MAP3K5: variants seen among roughly 807,000 people sequenced by gnomAD.
MAP3K5 encodes ASK-1.
MAP3K5 carries 56 observed loss-of-function variants against 158.7 expected under a neutral mutation model. The observed-to-expected ratio is 0.35, with a 90% confidence interval of 0.28 to 0.44. The LOEUF (loss-of-function observed/expected upper bound fraction) is 0.44. Ranked by LOEUF, MAP3K5 falls within the 20% of genes least tolerant of loss-of-function variation. MAP3K5 has a pLI of 1.00. For synonymous variants in MAP3K5, 579 were observed against 601.7 expected (o/e 0.96, Z 0.55); for missense variants, 1,294 against 1,674.8 (o/e 0.77, Z 3.97).
At chr6:136,730,845 C>T (rs1782194827) in intron 1 of MAP3K5, among the ~76,000 whole-genome samples, 3 of 152,080 alleles carry the variant, frequency 2.0e-5, no homozygotes, top group African/African-American at 7.2e-5. Flanking sequence ...GAATTCCCCT[C>T]CTCATTATAT....
chr6:136,716,237 T>C (rs1781523501), intron 2 of MAP3K5, among the ~76,000 whole-genome samples: 1 of 151,992 alleles, frequency 6.6e-6, no homozygotes, highest in African/African-American at 2.4e-5. Flanking sequence ...TCATTTGATA[T>C]TATTAAATAT....
At chr6:136,662,612 A>C (rs1012063853) in intron 8 of MAP3K5, among the ~76,000 whole-genome samples, 1 of 151,856 alleles carries the variant, frequency 6.6e-6, no homozygotes, top group African/African-American at 2.4e-5. Flanking sequence ...AGAATATAGA[A>C]ATAAACATCT....
At chr6:136,760,776 G>T (rs989567311) in intron 1 of MAP3K5, among the ~76,000 whole-genome samples, 7 of 152,124 alleles carry the variant, frequency 4.6e-5, no homozygotes, top group African/African-American at 1.7e-4. Flanking sequence ...TCCAGACCAG[G>T]CTGGTCAATG....
intron 1 of MAP3K5, among the ~76,000 whole-genome samples, chr6:136,736,338 G>C (rs2114852194): frequency 6.6e-6 from 1 of 152,230 alleles, no homozygotes; most frequent in East Asian, 1.9e-4. Flanking sequence ...ATTTCATCTA[G>C]TCAAAATGTG....
intron 2 of MAP3K5, among the ~76,000 whole-genome samples, chr6:136,711,004 G>T (rs1296982837): frequency 6.6e-6 from 1 of 152,112 alleles, no homozygotes; most frequent in Non-Finnish European, 1.5e-5. Flanking sequence ...CTGAGAAGGA[G>T]AAACACCCCC....
At chr6:136,786,078 TA>T (rs1395193705) in intron 1 of MAP3K5, among the ~76,000 whole-genome samples, 1 of 152,020 alleles carries the variant, frequency 6.6e-6, no homozygotes, top group Non-Finnish European at 1.5e-5. Context: ...TGATGTCTTT[TA>T]AAAAAAATTT....
chr6:136,666,433 A>G (rs956033303), intron 8 of MAP3K5, among the ~76,000 whole-genome samples: 1 of 152,244 alleles, frequency 6.6e-6, no homozygotes, highest in African/African-American at 2.4e-5. Flanking sequence ...TCTGGTTATT[A>G]TAAGAACTCG....
chr6:136,611,625 T>A (rs1270803098), intron 17 of MAP3K5, among the ~76,000 whole-genome samples: 2 of 152,258 alleles, frequency 1.3e-5, no homozygotes, highest in African/African-American at 2.4e-5. Flanking sequence ...GAGAAAATTA[T>A]GACAGTAAAA....
At chr6:136,689,961 G>A (rs1362489937) in intron 7 of MAP3K5, among the ~76,000 whole-genome samples, 2 of 151,914 alleles carry the variant, frequency 1.3e-5, no homozygotes, top group Admixed American at 1.3e-4. Context: ...CCTAAACTAA[G>A]TTGGCCTCCT....
Position 136,572,969 on chromosome 6 carries a change from C to G in MAP3K5, c.3518-5095G>C, listed in dbSNP as rs943535078. Among the ~76,000 whole-genome samples the G allele has an allele frequency of 2.6e-5, 4 of 152,166 alleles. No individual in the cohort carries two copies. In the East Asian group the frequency reaches 7.7e-4, roughly 29 times the overall value. On this transcript the variant is annotated intron_variant, in intron 25 of 29. Coordinates refer to ENST00000359015, the MANE Select transcript of MAP3K5 (RefSeq NM_005923.4). ...TACAGCTACAAATATCTCAGATTAT[C>G]TCAGGTATAGACCTAGTTATATATA...
intron 2 of MAP3K5, among the ~76,000 whole-genome samples, chr6:136,716,882 G>C (rs1781552886): frequency 6.6e-6 from 1 of 152,124 alleles, no homozygotes; most frequent in South Asian, 2.1e-4. Flanking sequence ...AATTGGCCAG[G>C]CACAGTGGCT....
chr6:136,562,692 T>C, intron 26 of MAP3K5, 77 bp from the exon 27 acceptor site: 1 of 724,576 alleles, frequency 1.4e-6, no homozygotes, highest in East Asian at 2.8e-5. Flanking sequence ...TTTTTTTAGA[T>C]ACAAGGTCTC....
At chr6:136,664,257 T>C (rs956762921) in intron 8 of MAP3K5, among the ~76,000 whole-genome samples, 5 of 151,982 alleles carry the variant, frequency 3.3e-5, no homozygotes, top group Admixed American at 1.3e-4. Flanking sequence ...GAGAACCTAA[T>C]GCCTGATGAT....
At chr6:136,568,827 C>T (rs1303423780) in intron 25 of MAP3K5, among the ~76,000 whole-genome samples, 1 of 137,650 alleles carries the variant, frequency 7.3e-6, no homozygotes, top group Non-Finnish European at 1.5e-5. Context: ...CACTGTACTC[C>T]AACCTGGGCA....
intron 7 of MAP3K5, among the ~76,000 whole-genome samples, chr6:136,677,239 G>A (rs1325874852): frequency 7.0e-6 from 1 of 143,216 alleles, no homozygotes; most frequent in East Asian, 2.0e-4. Flanking sequence ...CCAGGTTCAT[G>A]CCATTCTCCT....
At chr6:136,733,806 C>A (rs1220860807) in intron 1 of MAP3K5, among the ~76,000 whole-genome samples, 1 of 151,966 alleles carries the variant, frequency 6.6e-6, no homozygotes, top group African/African-American at 2.4e-5. Flanking sequence ...ATCATAGTCA[C>A]ACAAAGTCCA....
intron 3 of MAP3K5, among the ~76,000 whole-genome samples, chr6:136,702,324 T>A (rs546193161): frequency 1.1e-4 from 16 of 152,308 alleles, no homozygotes; most frequent in South Asian, 1.0e-3. Context: ...TTCAAAAAGA[T>A]ATAATTGCCC....
At chr6:136,664,810 A>G (rs1779157432) in intron 8 of MAP3K5, among the ~76,000 whole-genome samples, 1 of 152,232 alleles carries the variant, frequency 6.6e-6, no homozygotes, top group South Asian at 2.1e-4. Flanking sequence ...ACGCACCTGT[A>G]ATCCCAGCTA....
At chr6:136,579,173 A>G (rs1774753309) in intron 25 of MAP3K5, among the ~76,000 whole-genome samples, 1 of 152,224 alleles carries the variant, frequency 6.6e-6, no homozygotes, top group Admixed American at 6.5e-5. Context: ...CCATGTAACA[A>G]TTGGTCAACT....
Sources: gnomAD v4.1 joint callset for allele counts (sites outside exome capture counted in the v4.1 genomes callset) on GRCh38, gnomAD v4.1.1 for gene constraint, MANE v1.5 for transcripts, NCBI Gene and HGNC (gene_info 2026-07-23, HGNC 2026-07-21) for gene names.